The following KDM8 variants were observed in gnomAD, a reference collection of about 807,000 sequenced individuals.
KDM8 encodes the protein lysine demethylase 8, also known as bifunctional peptidase and arginyl-hydroxylase JMJD5.
In KDM8, 35 loss-of-function variants were observed where a neutral mutation model predicts 46.9. That is an observed-to-expected ratio of 0.75 (90% CI 0.57 to 0.99). The LOEUF (loss-of-function observed/expected upper bound fraction) is 0.99. Among genes scored for constraint, KDM8 ranks in the 50% least tolerant of loss-of-function variants. The pLI, the probability that KDM8 is intolerant of heterozygous loss-of-function variation, is 0.00. For synonymous variants in KDM8, 232 were observed against 227.7 expected, an observed-to-expected ratio of 1.02 and a Z score of -0.17; for missense variants, 475 against 537.0, an observed-to-expected ratio of 0.88 and a Z score of 1.14.
rs1262777713 is a variant in KDM8, at chr16:27,221,101, C to T, written c.*371C>T. ...TGAGGTTGGCTACCTGATTCAAACC[C>T]GGCCGCGCTGTGCACCTGCTGGGTG... On this transcript the variant is annotated 3_prime_UTR_variant, in exon 8 of 8. Coordinates refer to ENST00000286096, the MANE Select transcript of KDM8 (RefSeq NM_024773.3). 1.4e-5 allele frequency: 5 copies of T among 364,906 alleles called. No individual in the cohort carries two copies. Among genetic ancestry groups the T allele is most frequent in the Admixed American group, 1.1e-4 (3 of 26,722 alleles). 22.6% of individuals were successfully genotyped at this position (364,906 alleles called of 1,614,324 possible).
Position 27,220,801 on chromosome 16 carries a change from A to C in KDM8, c.*71A>C, listed in dbSNP as rs758772199. ...TGTTCACTAATTTCCTGGGTCCTGG[A>C]ATCTATAGAGACAAGCAGGACTGAA... On this transcript the variant is annotated 3_prime_UTR_variant, in exon 8 of 8. Coordinates refer to ENST00000286096, the MANE Select transcript of KDM8 (RefSeq NM_024773.3). 4.5e-6 allele frequency: 7 copies of C among 1,554,612 alleles called. No individual in the cohort carries two copies. The Admixed American group carries it at 1.2e-4, about 26-fold the overall frequency.
In KDM8 at chr16:27,219,081, C is replaced by G. The variant is rs780177612; in HGVS notation, c.964C>G (p.Gln322Glu). 10 of 1,612,668 alleles carry G rather than the reference C, an allele frequency of 6.2e-6. No homozygotes were observed. The highest frequency in any genetic ancestry group is 8.5e-6 in the Non-Finnish European group (10 of 1,179,282). Residue 322 changes from glutamine to glutamate, a missense_variant, in exon 6 of 8, where the codon CAG becomes GAG. Coordinates refer to ENST00000286096, the MANE Select transcript of KDM8 (RefSeq NM_024773.3). ...GPQGTISPLH[Q>E]DPQQNFLVQV... ...CCAGGGAACCATCTCCCCACTACAT[C>G]AGGATCCCCAGCAAAACTTCCTAGT...
intron 2 of KDM8, chr16:27,211,651 G>GT (rs1567263394): frequency 6.6e-6 from 1 of 152,364 alleles, no homozygotes; most frequent in East Asian, 1.9e-4. Context: ...GCTTTGCTAT[G>GT]TTTTCCGAAT....
chr16:27,216,193 T>C, intron 5 of KDM8: 1 of 603,596 alleles, frequency 1.7e-6, no homozygotes, highest in Non-Finnish European at 3.0e-6. Flanking sequence ...CCCCGAGGAT[T>C]GTAGGGGCTG....
At chr16:27,218,904 G>A (rs943729047) in intron 5 of KDM8, 57 bp from the exon 6 acceptor site, 25 of 1,599,814 alleles carry the variant, frequency 1.6e-5, no homozygotes, top group South Asian at 6.6e-5. Flanking sequence ...GTTGGCCTCC[G>A]GGCTGCGGTG....
Position 27,210,379 on chromosome 16 carries a change from G to T in KDM8, c.256G>T (p.Asp86Tyr). Reference sequence around the variant, plus strand: ...GAAGCTCAACACGGGCACATGGCAGGACGTAGACAAAGACTGGCGCCGGGT... The same window carrying T: ...GAAGCTCAACACGGGCACATGGCAGTACGTAGACAAAGACTGGCGCCGGGT... The part of the protein sequence containing the change: ...WEKLNTGTWQ[D>Y]VDKDWRRVYA... The change falls in exon 2 of 8, where the codon GAC becomes TAC. Residue 86 changes from aspartate (D) to tyrosine (Y), a missense_variant. By Grantham distance (160) the Asp-to-Tyr change is radical (BLOSUM62 -3). Coordinates refer to ENST00000286096, the MANE Select transcript of KDM8 (RefSeq NM_024773.3). 5 of 1,613,274 alleles carry T rather than the reference G, an allele frequency of 3.1e-6. No individual in the cohort carries two copies. Among genetic ancestry groups the T allele is most frequent in the Non-Finnish European group, 4.2e-6 (5 of 1,179,866 alleles).
intron 1 of KDM8, 147 bp from the exon 2 acceptor site, chr16:27,209,946 A>T: frequency 1.3e-6 from 1 of 788,952 alleles, no homozygotes; most frequent in Non-Finnish European, 2.0e-6. Flanking sequence ...CCCCAGACAG[A>T]TGAGGGCCCT....
intron 3 of KDM8, 188 bp downstream of exon 3, chr16:27,213,939 A>T (rs1269117495): frequency 3.3e-6 from 2 of 603,460 alleles, no homozygotes; most frequent in Non-Finnish European, 5.6e-6. Context: ...GCCGCAGGTT[A>T]TGGGATTCTT....
chr16:27,220,018 C>A (rs1330772053), intron 6 of KDM8, among the ~76,000 whole-genome samples: 1 of 152,070 alleles, frequency 6.6e-6, no homozygotes, highest in Admixed American at 6.6e-5. Flanking sequence ...AGTTCAAGAC[C>A]AGCCTGGGCA....
intron 2 of KDM8, chr16:27,211,358 T>C (rs1029679164): frequency 5.7e-5 from 21 of 370,002 alleles, no homozygotes; most frequent in African/African-American, 4.3e-4. Context: ...TACAACTAGC[T>C]GATGTCTGTT....
At chr16:27,205,126 G>A (rs1355898563) in intron 1 of KDM8, among the ~76,000 whole-genome samples, 2 of 152,256 alleles carry the variant, frequency 1.3e-5, no homozygotes, top group African/African-American at 4.8e-5. Flanking sequence ...TACTTTGCCA[G>A]TTTGCATAGT....
intron 2 of KDM8, 101 bp downstream of exon 2, chr16:27,210,722 T>A: frequency 8.5e-7 from 1 of 1,173,056 alleles, no homozygotes; most frequent in Non-Finnish European, 1.2e-6. Context: ...CCTCGTGGCC[T>A]GCAACCCCTC....
chr16:27,204,196 C>A, intron 1 of KDM8: 2 of 1,473,672 alleles, frequency 1.4e-6, no homozygotes, highest in Non-Finnish European at 1.8e-6. Flanking sequence ...CCCTCTGGGG[C>A]CTGGGTGTGT....
intron 4 of KDM8, 90 bp from the exon 5 acceptor site, chr16:27,215,855 C>G: frequency 7.3e-7 from 1 of 1,362,686 alleles, no homozygotes; most frequent in Non-Finnish European, 1.1e-6. Context: ...GGTGCTGCAG[C>G]TGGGGCCAGC....
At chr16:27,215,597 G>A (rs1172064054) in intron 4 of KDM8, among the ~76,000 whole-genome samples, 1 of 152,146 alleles carries the variant, frequency 6.6e-6, no homozygotes, top group African/African-American at 2.4e-5. Flanking sequence ...GACAGGACAG[G>A]ATAGGACAAT....
intron 4 of KDM8, 113 bp downstream of exon 4, chr16:27,215,121 AAGTCTGTGGTCGG>A: frequency 2.4e-6 from 3 of 1,274,418 alleles, no homozygotes; most frequent in Middle Eastern, 3.8e-4. Context: ...GCCAGGCTGT[AAGTCTGTGGTCGG>A]AGGGACGACC....
rs3063593 is a variant in KDM8 at position 27,213,218 on chromosome 16, C to CGTGTGT, written c.499-328_499-323dup. On this transcript the variant is annotated intron_variant, in intron 2 of 7. Coordinates refer to ENST00000286096, the MANE Select transcript of KDM8 (RefSeq NM_024773.3). ...CTCCCAGTGGGTCAGAGATATTTTG[C>CGTGTGT]GTGTGTGTGTGTGTGTGTGTGTGTG... The CGTGTGT allele has an allele frequency of 7.9e-3, 1,106 of 139,596 alleles. 7 individuals carry two copies. Among genetic ancestry groups the CGTGTGT allele is most frequent in the African/African-American group, 7.8e-3 (293 of 37,370 alleles). 8.6% of individuals were successfully genotyped at this position (139,596 alleles called of 1,614,324 possible). A position where few individuals can be genotyped will look rare whatever the true frequency, so the allele number is the denominator to read the frequency against.
intron 5 of KDM8, 152 bp downstream of exon 5, chr16:27,216,141 CA>C: frequency 1.3e-6 from 1 of 758,838 alleles, no homozygotes; most frequent in Non-Finnish European, 2.2e-6. Context: ...GATGAGGAGC[CA>C]TTTTCCTAAA....
intron 4 of KDM8, 72 bp downstream of exon 4, chr16:27,215,080 C>G (rs2083534869): frequency 6.4e-7 from 1 of 1,558,252 alleles, no homozygotes; most frequent in East Asian, 2.3e-5. Flanking sequence ...CAAATAACCC[C>G]CCATGTGTTG....
Sources: allele counts gnomAD v4.1 joint callset (sites outside exome capture counted in the v4.1 genomes callset), GRCh38; gene constraint gnomAD v4.1.1; transcripts MANE v1.5; gene names NCBI Gene and HGNC (gene_info 2026-07-23, HGNC 2026-07-21).